The following GLCCI1 variants were observed in gnomAD, a reference collection of about 807,000 sequenced individuals.
GLCCI1 encodes glucocorticoid-induced transcript 1 protein.
Under a neutral mutation model 52.2 loss-of-function variants are expected in GLCCI1, and 24 were observed. The ratio of observed to expected loss-of-function variants is 0.46; its 90% CI spans 0.33 to 0.65. GLCCI1 has a LOEUF of 0.65. Among genes scored for constraint, GLCCI1 ranks in the 30% least tolerant of loss-of-function variants. The probability of loss-of-function intolerance (pLI) is 0.02; values close to 1 mark genes in which losing one functional copy is unlikely to be tolerated. For synonymous variants in GLCCI1, 310 were observed against 276.5 expected (o/e 1.12, Z -1.20); for missense variants, 704 against 701.5 (o/e 1.00, Z -0.04).
rs947593900 is a variant in GLCCI1, at chr7:8,060,183, G to A, written c.901G>A (p.Gly301Arg). The change falls in exon 5 of 8, where the codon GGA becomes AGA. Residue 301 changes from glycine (G) to arginine (R), a missense_variant. By Grantham distance (125) the Gly-to-Arg change is moderately radical (BLOSUM62 -2). Around this residue, in one of 3 missense-constraint regions of GLCCI1, gnomAD observed 547 missense variants for 524.8 expected, o/e 1.04. Coordinates refer to ENST00000223145, the MANE Select transcript of GLCCI1 (RefSeq NM_138426.4). ...TTCGCGTGTGCCCTGCAATGTAGAA[G>A]GAATAAGTCCTGAATTAGAAAAGGT... ...SVSRVPCNVE[G>R]ISPELEKVFI... is the part of the protein sequence containing the mutation. 1 of 1,612,540 alleles carries A rather than the reference G, an allele frequency of 6.2e-7. No individual in the cohort carries two copies. The highest frequency in any genetic ancestry group is 1.7e-5 in the Admixed American group (1 of 59,958).
chr7:8,079,118 A>G (rs2127967847), intron 6 of GLCCI1, among the ~76,000 whole-genome samples: 1 of 152,206 alleles, frequency 6.6e-6, no homozygotes, highest in East Asian at 1.9e-4. Context: ...TTTTCCCTAA[A>G]TGTTAGTAAA....
At chr7:8,061,630 C>G (rs915438095) in intron 5 of GLCCI1, among the ~76,000 whole-genome samples, 1 of 143,990 alleles carries the variant, frequency 6.9e-6, no homozygotes, top group African/African-American at 2.6e-5. Flanking sequence ...CTTTGGACAT[C>G]ATGGCATCTC....
At chr7:8,052,623 G>A (rs574597907) in intron 3 of GLCCI1, among the ~76,000 whole-genome samples, 1 of 152,308 alleles carries the variant, frequency 6.6e-6, no homozygotes, top group African/African-American at 2.4e-5. Flanking sequence ...CCTTGGGGCA[G>A]GAGTGGCATA....
rs188359171 is a variant in GLCCI1 at position 8,004,965 on chromosome 7, A to G, written c.609+906A>G. 2.6e-3 allele frequency among the ~76,000 whole-genome samples: 394 copies of G among 152,334 alleles called. 1 individual carries two copies. The highest frequency in any genetic ancestry group is 8.8e-3 in the African/African-American group (367 of 41,590). ...CTCAGGTTTTGTCATTTTCTCAGGC[A>G]AGCTTGCAACTGTGAAATTGGCTTC... On this transcript the variant is annotated intron_variant, in intron 2 of 7. Coordinates refer to ENST00000223145, the MANE Select transcript of GLCCI1 (RefSeq NM_138426.4).
intron 3 of GLCCI1, among the ~76,000 whole-genome samples, chr7:8,052,289 G>C (rs1782274593): frequency 2.0e-5 from 3 of 152,282 alleles, no homozygotes; most frequent in African/African-American, 7.2e-5. Flanking sequence ...TGGCACCCTA[G>C]GGCAGGTTAT....
intron 3 of GLCCI1, among the ~76,000 whole-genome samples, chr7:8,030,599 C>T (rs1333468204): frequency 3.3e-5 from 5 of 151,946 alleles, no homozygotes; most frequent in African/African-American, 1.2e-4. Context: ...AAGAGACATC[C>T]CACAGAATGG....
chr7:8,085,365 A>C (rs753623607), intron 7 of GLCCI1, among the ~76,000 whole-genome samples: 1 of 152,236 alleles, frequency 6.6e-6, no homozygotes, highest in East Asian at 1.9e-4. Flanking sequence ...GCTTAAAGAC[A>C]GTGTACTCCA....
rs35255634 is a variant in GLCCI1 at position 7,976,479 on chromosome 7, C to CAAA, written c.457+6689_457+6691dup. On this transcript the variant is annotated intron_variant, in intron 1 of 7. Coordinates refer to ENST00000223145, the MANE Select transcript of GLCCI1 (RefSeq NM_138426.4). ...GGGCAACAAGAGTGAAACTCCATCT[C>CAAA]AAAAAAAAAAAAAAAAAAAGGAAAG... Among the ~76,000 whole-genome samples, 27 of 24,666 alleles carry CAAA rather than the reference C, an allele frequency of 1.1e-3. 1 individual carries two copies. The highest frequency in any genetic ancestry group is 2.0e-3 in the African/African-American group (10 of 5,010). The allele number at this position is 24,666 out of a possible 152,430, so 16.2% of individuals were successfully genotyped here. A position where few individuals can be genotyped will look rare whatever the true frequency, so the allele number is the denominator to read the frequency against.
At chr7:7,998,246 C>T (rs965779352) in intron 1 of GLCCI1, among the ~76,000 whole-genome samples, 6 of 150,140 alleles carry the variant, frequency 4.0e-5, no homozygotes, top group African/African-American at 7.3e-5. Context: ...GACGGAGTCT[C>T]GCTCTTGTCA....
At chr7:8,016,440 G>C (rs987352465) in intron 2 of GLCCI1, among the ~76,000 whole-genome samples, 3 of 152,160 alleles carry the variant, frequency 2.0e-5, no homozygotes, top group Non-Finnish European at 4.4e-5. Flanking sequence ...CTGCACTCCA[G>C]CCTGGACGAC....
At chr7:8,046,763 A>G (rs1312868857) in intron 3 of GLCCI1, among the ~76,000 whole-genome samples, 2 of 152,182 alleles carry the variant, frequency 1.3e-5, no homozygotes, top group Non-Finnish European at 2.9e-5. Flanking sequence ...CACCTTGGCC[A>G]CATGTTCTCC....
At chr7:8,085,508 T>C (rs918915861) in intron 7 of GLCCI1, among the ~76,000 whole-genome samples, 1 of 151,966 alleles carries the variant, frequency 6.6e-6, no homozygotes, top group African/African-American at 2.4e-5. Flanking sequence ...GAAAAAGAGG[T>C]TCTTGCTGTA....
chr7:8,010,137 G>A (rs1429561648), intron 2 of GLCCI1, among the ~76,000 whole-genome samples: 1 of 152,054 alleles, frequency 6.6e-6, no homozygotes, highest in Admixed American at 6.6e-5. Context: ...CCCTGGAACA[G>A]GCTACCTCAG....
intron 3 of GLCCI1, among the ~76,000 whole-genome samples, chr7:8,038,057 A>C (rs1168398010): frequency 6.6e-6 from 1 of 152,198 alleles, no homozygotes; most frequent in African/African-American, 2.4e-5. Flanking sequence ...AGAAATTTAC[A>C]GAATATTCAC....
intron 6 of GLCCI1, 76 bp downstream of exon 6, chr7:8,071,207 T>A: frequency 5.1e-6 from 3 of 582,534 alleles, no homozygotes; most frequent in Non-Finnish European, 7.7e-6. Context: ...CCATTACATC[T>A]TTTTTTTTTT....
rs1267236675 is a variant in GLCCI1 at position 8,088,142 on chromosome 7, C to CTT, written c.*1607_*1608dup. 6.6e-6 allele frequency: 1 copy of CTT among 151,448 alleles called. No individual in the cohort carries two copies. Among genetic ancestry groups the CTT allele is most frequent in the Non-Finnish European group, 1.5e-5 (1 of 67,914 alleles). The allele number at this position is 151,448 out of a possible 1,614,324, so 9.4% of individuals were successfully genotyped here. A position where few individuals can be genotyped will look rare whatever the true frequency, so the allele number is the denominator to read the frequency against. ...TCCTTTCATTCATTCCTGGGTTTTT[C>CTT]TTTTATTTTCTAAGAAGGTTGAAGA... is the stretch of plus-strand genomic sequence containing the variant. On this transcript the variant is annotated 3_prime_UTR_variant, in exon 8 of 8. Transcript: ENST00000223145.
At chr7:8,045,906 G>A (rs887457657) in intron 3 of GLCCI1, among the ~76,000 whole-genome samples, 8 of 151,230 alleles carry the variant, frequency 5.3e-5, no homozygotes, top group Admixed American at 3.9e-4. Flanking sequence ...AAGAGATATC[G>A]GACATATTAA....
At chr7:8,082,088 C>G (rs1411481020) in intron 6 of GLCCI1, among the ~76,000 whole-genome samples, 1 of 152,116 alleles carries the variant, frequency 6.6e-6, no homozygotes, top group South Asian at 2.1e-4. Context: ...TACCATGAGA[C>G]TTCTCATCTT....
chr7:8,071,212 T>G (rs951797683), intron 6 of GLCCI1, 81 bp downstream of exon 6: 1 of 1,154,316 alleles, frequency 8.7e-7, no homozygotes, highest in South Asian at 1.5e-5. Context: ...ACATCTTTTT[T>G]TTTTTCTTTT....
Sources: gnomAD v4.1 joint callset for allele counts (sites outside exome capture counted in the v4.1 genomes callset) on GRCh38, gnomAD v4.1.1 for gene constraint, gnomAD v4.1.1 regional missense constraint, MANE v1.5 for transcripts, NCBI Gene and HGNC (gene_info 2026-07-23, HGNC 2026-07-21) for gene names.